Variants in GHR observed in about 807,000 individuals in gnomAD.
GHR encodes growth hormone receptor.
Under a neutral mutation model 67.1 loss-of-function variants are expected in GHR, and 35 were observed. That is an observed-to-expected ratio of 0.52 (90% confidence interval 0.40 to 0.69). GHR has a LOEUF of 0.69. Ranked by LOEUF, GHR falls within the 30% of genes least tolerant of loss-of-function variation. The probability of loss-of-function intolerance (pLI) is 0.00; values close to 1 mark genes in which losing one functional copy is unlikely to be tolerated. For synonymous variants in GHR, 272 were observed against 269.1 expected, an observed-to-expected ratio of 1.01 and a Z score of -0.10; for missense variants, 792 against 764.6, an observed-to-expected ratio of 1.04 and a Z score of -0.42.
At chr5:42,663,878 A>T (rs1318625428) in intron 3 of GHR, among the ~76,000 whole-genome samples, 1 of 152,246 alleles carries the variant, frequency 6.6e-6, no homozygotes, top group East Asian at 1.9e-4. Flanking sequence ...CCTTAAGCTG[A>T]TAAACAACTT....
intron 1 of GHR, chr5:42,467,176 C>G (rs1374224060): frequency 1.1e-5 from 18 of 1,596,784 alleles, no homozygotes; most frequent in Non-Finnish European, 1.5e-5. Context: ...GACAAAAAGG[C>G]AAGAGAGCTG....
intron 4 of GHR, among the ~76,000 whole-genome samples, chr5:42,693,739 G>T (rs1033515487): frequency 1.3e-5 from 2 of 152,132 alleles, no homozygotes; most frequent in Admixed American, 1.3e-4. Context: ...CAGAGGGATG[G>T]TCCCAAACCT....
intron 2 of GHR, among the ~76,000 whole-genome samples, chr5:42,574,097 C>T (rs1032607066): frequency 3.3e-5 from 5 of 152,216 alleles, no homozygotes; most frequent in Non-Finnish European, 7.4e-5. Context: ...TTCTCCTCTA[C>T]ATGCCACTGA....
At chr5:42,491,339 G>C (rs1746104993) in intron 1 of GHR, among the ~76,000 whole-genome samples, 3 of 152,186 alleles carry the variant, frequency 2.0e-5, no homozygotes, top group African/African-American at 7.2e-5. Context: ...AAACAAAGTG[G>C]TGGGTGTAAA....
chr5:42,446,664 C>CA (rs1743818130), intron 1 of GHR, among the ~76,000 whole-genome samples: 2 of 152,188 alleles, frequency 1.3e-5, no homozygotes, highest in South Asian at 4.2e-4. Context: ...AATAATAAAC[C>CA]AAATGAGTAA....
intron 1 of GHR, chr5:42,468,299 T>C: frequency 3.2e-6 from 5 of 1,575,332 alleles, no homozygotes; most frequent in Non-Finnish European, 2.6e-6. Flanking sequence ...CCTAGGGCCA[T>C]GGCTTCTCTC....
intron 3 of GHR, among the ~76,000 whole-genome samples, chr5:42,667,946 AATT>A (rs1429751199): frequency 1.3e-5 from 2 of 152,158 alleles, no homozygotes; most frequent in African/African-American, 4.8e-5. Context: ...ATTCTGAAGC[AATT>A]ATTATCTTTA....
rs79341355 is a variant in GHR, at chr5:42,548,670, G to T, written c.-11-17194G>T. The stretch of plus-strand genomic sequence containing the variant: ...ATGTTTTCCTTTCTCCTCCCACTTC[G>T]TTCTTCCCTCTTCTGGGTTAATTTC... On this transcript the variant is annotated intron_variant, in intron 1 of 9. Coordinates refer to ENST00000230882, the MANE Select transcript of GHR (RefSeq NM_000163.5). The T allele has an allele frequency of 8.7e-3, 1,457 of 167,956 alleles. 74 individuals are homozygous for T. The East Asian group carries it at 0.14, about 17-fold the overall frequency. 10.4% of individuals were successfully genotyped at this position (167,956 alleles called of 1,614,324 possible). A position where few individuals can be genotyped will look rare whatever the true frequency, so the allele number is the denominator to read the frequency against.
intron 4 of GHR, among the ~76,000 whole-genome samples, chr5:42,693,855 A>G (rs1027410398): frequency 2.6e-5 from 4 of 152,158 alleles, no homozygotes; most frequent in African/African-American, 9.7e-5. Context: ...TTTGACTTAT[A>G]TATTGTCTTC....
chr5:42,624,413 G>A (rs952598944), intron 2 of GHR, among the ~76,000 whole-genome samples: 5 of 152,126 alleles, frequency 3.3e-5, no homozygotes, highest in African/African-American at 1.2e-4. Context: ...TCAGATTCAA[G>A]CTGAAAATTG....
chr5:42,573,227 A>T (rs534491095), intron 2 of GHR, among the ~76,000 whole-genome samples: 5 of 152,230 alleles, frequency 3.3e-5, no homozygotes, highest in Non-Finnish European at 7.4e-5. Flanking sequence ...TGATGCTCTC[A>T]TCTCCAGTCC....
In GHR at chr5:42,498,744, T is replaced by C. The variant is rs533894060; in HGVS notation, c.-11-67120T>C. 2.6e-5 allele frequency among the ~76,000 whole-genome samples: 4 copies of C among 152,326 alleles called. No homozygotes were observed. In the South Asian group the frequency reaches 8.3e-4, roughly 32 times the overall value. On this transcript the variant is annotated intron_variant, in intron 1 of 9. Transcript: ENST00000230882. ...GCTTATATCTCATTAATGTGCATCA[T>C]AGGATTATCTCTGCAAGGGAACCTG...
chr5:42,706,667 T>C (rs772899965), intron 6 of GHR, among the ~76,000 whole-genome samples: 7 of 152,174 alleles, frequency 4.6e-5, no homozygotes, highest in South Asian at 4.1e-4. Flanking sequence ...CCTGTTTTTG[T>C]CAACTTTGTC....
chr5:42,632,332 T>C (rs561565872), intron 3 of GHR, among the ~76,000 whole-genome samples: 4 of 152,174 alleles, frequency 2.6e-5, no homozygotes, highest in Non-Finnish European at 5.9e-5. Context: ...CTGATACTCA[T>C]GGCCTGAAGC....
chr5:42,534,246 GTATA>G (rs1748131279), intron 1 of GHR, among the ~76,000 whole-genome samples: 1 of 137,168 alleles, frequency 7.3e-6, no homozygotes, highest in African/African-American at 2.9e-5. Context: ...GTGTATATAT[GTATA>G]TATGTACATG....
At chr5:42,688,537 T>C (rs1757268288) in intron 3 of GHR, among the ~76,000 whole-genome samples, 1 of 152,108 alleles carries the variant, frequency 6.6e-6, no homozygotes, top group Non-Finnish European at 1.5e-5. Flanking sequence ...TCCCTTTCCT[T>C]CCCACCCTCC....
At chr5:42,447,164 T>A (rs1405753187) in intron 1 of GHR, among the ~76,000 whole-genome samples, 1 of 152,194 alleles carries the variant, frequency 6.6e-6, no homozygotes, top group East Asian at 1.9e-4. Context: ...TTTATTTTAA[T>A]AGTTTTTGGG....
chr5:42,718,709 C>G lies in GHR; in HGVS notation c.1202C>G (p.Ala401Gly), dbSNP rs748081826. The change falls in exon 10 of 10, where the codon GCC (alanine) becomes GGC (glycine). Residue 401 changes from alanine to glycine, a missense_variant. Ala to Gly is a moderately conservative substitution (Grantham distance 60). Transcript: ENST00000230882. ...EPDILETDFNANDIHEGTSEV... is the reference protein window; with the variant it reads ...EPDILETDFNGNDIHEGTSEV... Reference sequence around the variant, plus strand: ...GACATTCTGGAGACTGATTTCAATGCCAATGACATACATGAGGGTACCTCA... The same window carrying G: ...GACATTCTGGAGACTGATTTCAATGGCAATGACATACATGAGGGTACCTCA... 3 of 1,614,000 alleles carry G rather than the reference C, an allele frequency of 1.9e-6. No individual in the cohort carries two copies. The African/African-American group carries it at 4.0e-5, about 22-fold the overall frequency.
chr5:42,468,346 G>A, intron 1 of GHR: 6 of 1,527,924 alleles, frequency 3.9e-6, no homozygotes, highest in Non-Finnish European at 5.4e-6. Flanking sequence ...GCAGGGGAAC[G>A]CCTATAGCTG....
Sources: allele counts gnomAD v4.1 joint callset (sites outside exome capture counted in the v4.1 genomes callset), GRCh38; gene constraint gnomAD v4.1.1; transcripts MANE v1.5; gene names NCBI Gene and HGNC (gene_info 2026-07-23, HGNC 2026-07-21).